CDYL2: variants seen among roughly 807,000 people sequenced by gnomAD.
The protein encoded by CDYL2 is chromodomain Y-like protein 2.
In CDYL2, 23 loss-of-function variants were observed where a neutral mutation model predicts 49.4. The observed-to-expected ratio is 0.47, with a 90% confidence interval of 0.34 to 0.66. The LOEUF (loss-of-function observed/expected upper bound fraction) is 0.66. Ranked by LOEUF, CDYL2 falls within the 30% of genes least tolerant of loss-of-function variation. The probability of loss-of-function intolerance (pLI) is 0.01; values close to 1 mark genes in which losing one functional copy is unlikely to be tolerated. For missense variants in CDYL2, 678 were observed against 656.4 expected, an observed-to-expected ratio of 1.03 and a Z score of -0.36; for synonymous variants, 360 against 268.8, an observed-to-expected ratio of 1.34 and a Z score of -3.32.
chr16:80,695,860 CAACA>C (rs1910596320), intron 1 of CDYL2, among the ~76,000 whole-genome samples: 1 of 152,124 alleles, frequency 6.6e-6, no homozygotes, highest in African/African-American at 2.4e-5. Context: ...GGCAGAAAAT[CAACA>C]AACATCAGCT....
chr16:80,726,897 G>C (rs1233330837), intron 1 of CDYL2, among the ~76,000 whole-genome samples: 3 of 152,058 alleles, frequency 2.0e-5, no homozygotes, highest in South Asian at 2.1e-4. Context: ...GACCAGCCTG[G>C]GCACATAATG....
At chr16:80,791,694 A>G (rs1472075049) in intron 1 of CDYL2, among the ~76,000 whole-genome samples, 2 of 152,324 alleles carry the variant, frequency 1.3e-5, no homozygotes, top group Admixed American at 6.5e-5. Flanking sequence ...GAGAGAGCAC[A>G]GAACATTCAA....
intron 1 of CDYL2, among the ~76,000 whole-genome samples, chr16:80,703,816 G>T (rs549085011): frequency 1.2e-4 from 19 of 152,212 alleles, no homozygotes; most frequent in South Asian, 1.2e-3. Context: ...GACCACACCT[G>T]GCCTTGCCTG....
chr16:80,718,899 T>A (rs1053272697), intron 1 of CDYL2, among the ~76,000 whole-genome samples: 8 of 152,098 alleles, frequency 5.3e-5, no homozygotes, highest in Admixed American at 3.3e-4. Flanking sequence ...AGGGAAGGAC[T>A]TAGAGCCAGG....
rs1906017538 is a variant in CDYL2 at position 80,600,157 on chromosome 16, C to G, written c.*4231G>C. On this transcript the variant is annotated 3_prime_UTR_variant, in exon 7 of 7. Transcript: ENST00000570137. ...TAATGGTAAGGCTTATTCACAAATT[C>G]AATACATTTTGAAATTATACTTCAA... 1 of 152,114 alleles carries G rather than the reference C, an allele frequency of 6.6e-6. No individual in the cohort carries two copies. Among genetic ancestry groups the G allele is most frequent in the African/African-American group, 2.4e-5 (1 of 41,426 alleles). 9.4% of individuals were successfully genotyped at this position (152,114 alleles called of 1,614,324 possible).
At position 80,684,710 on chromosome 16, in the gene CDYL2, G is replaced by A; in HGVS notation, c.444C>T (p.Pro148=). The A allele has an allele frequency of 6.2e-7, 1 of 1,614,048 alleles. No homozygotes were observed. Among genetic ancestry groups the A allele is most frequent in the Non-Finnish European group, 8.5e-7 (1 of 1,180,018 alleles). The change falls in exon 2 of 7, where the codon CCC becomes CCT. Residue 148 remains proline, a synonymous_variant. Transcript: ENST00000570137. The part of the protein sequence containing the change: ...RTTPSGLQIM[P]LKKSQNGMEN... ...CCATCCCGTTCTGAGACTTTTTCAGGGGCATTATTTGCAAACCACTGGGGG... is the reference window on the plus strand; with the variant it reads ...CCATCCCGTTCTGAGACTTTTTCAGAGGCATTATTTGCAAACCACTGGGGG...
chr16:80,804,153 G>C lies in CDYL2; in HGVS notation c.21C>G (p.Tyr7Ter). 7.9e-7 allele frequency: 1 copy of C among 1,268,758 alleles called. No individual in the cohort carries two copies. Among genetic ancestry groups the C allele is most frequent in the South Asian group, 1.5e-5 (1 of 67,728 alleles). The allele number at this position is 1,268,758 out of a possible 1,614,324, so 78.6% of individuals were successfully genotyped here. Reference protein sequence around the residue: MASGDLYEVERIVDKRK... With the variant: MASGDL Reference sequence around the variant, plus strand: ...CCGCGCCCCCGCGTCCCCGTACCTCGTAAAGGTCCCCAGAAGCCATGCCAG... The same window carrying C: ...CCGCGCCCCCGCGTCCCCGTACCTCCTAAAGGTCCCCAGAAGCCATGCCAG... Residue 7 changes from tyrosine (Y) to a stop codon, truncating the protein, a stop_gained, in exon 1 of 7, where the codon TAC (tyrosine) becomes TAG (stop). Transcript: ENST00000570137. LOFTEE classifies it high-confidence loss of function.
intron 1 of CDYL2, among the ~76,000 whole-genome samples, chr16:80,798,191 C>T (rs1484455975): frequency 6.6e-6 from 1 of 152,144 alleles, no homozygotes; most frequent in Non-Finnish European, 1.5e-5. Flanking sequence ...CAAACACATA[C>T]CATCATGCCC....
At chr16:80,719,364 C>A (rs1360671759) in intron 1 of CDYL2, among the ~76,000 whole-genome samples, 1 of 152,134 alleles carries the variant, frequency 6.6e-6, no homozygotes, top group African/African-American at 2.4e-5. Flanking sequence ...GGACTAGGAA[C>A]ACGAATGACC....
chr16:80,740,840 C>CTTA (rs1905707965), intron 1 of CDYL2, among the ~76,000 whole-genome samples: 1 of 146,310 alleles, frequency 6.8e-6, no homozygotes, highest in Non-Finnish European at 1.5e-5. Flanking sequence ...AACTGTGATA[C>CTTA]ACTAAAAAAA....
At chr16:80,795,345 G>A (rs151333540) in intron 1 of CDYL2, among the ~76,000 whole-genome samples, 2,061 of 152,300 alleles carry the variant, frequency 0.014, 20 homozygotes, top group Non-Finnish European at 0.021. Context: ...AATGACTGGA[G>A]TCAAGTGGGA....
At chr16:80,755,317 G>A (rs1173764171) in intron 1 of CDYL2, among the ~76,000 whole-genome samples, 1 of 152,158 alleles carries the variant, frequency 6.6e-6, no homozygotes, top group Non-Finnish European at 1.5e-5. Flanking sequence ...CATGTAAGGT[G>A]AATTGGAAGG....
chr16:80,680,943 G>C (rs1340567763), intron 2 of CDYL2, among the ~76,000 whole-genome samples: 1 of 152,028 alleles, frequency 6.6e-6, no homozygotes, highest in Non-Finnish European at 1.5e-5. Flanking sequence ...GGACCACAAA[G>C]CCAGTACTCA....
intron 1 of CDYL2, among the ~76,000 whole-genome samples, chr16:80,700,910 A>C (rs763459346): frequency 2.8e-4 from 43 of 152,376 alleles, no homozygotes; most frequent in Admixed American, 7.2e-4. Flanking sequence ...ACAGCAACAG[A>C]GCAGGCCATG....
chr16:80,613,995 G>C (rs1453061096), intron 4 of CDYL2, among the ~76,000 whole-genome samples: 4 of 152,066 alleles, frequency 2.6e-5, no homozygotes, highest in Non-Finnish European at 4.4e-5. Context: ...ACCATTATCA[G>C]AATTTGCAAT....
In CDYL2 at chr16:80,602,011, A is replaced by C. The variant is rs1567534423; in HGVS notation, c.*2377T>G. ...AACATCCCCTTCCATGTCCAAGGAG[A>C]ATCCTGACCCCACTTCAACCGATGC... On this transcript the variant is annotated 3_prime_UTR_variant, in exon 7 of 7. Transcript: ENST00000570137. 1 of 152,194 alleles carries C rather than the reference A, an allele frequency of 6.6e-6. No individual in the cohort carries two copies. The highest frequency in any genetic ancestry group is 1.5e-5 in the Non-Finnish European group (1 of 68,030). The allele number at this position is 152,194 out of a possible 1,614,324, so 9.4% of individuals were successfully genotyped here.
chr16:80,792,353 G>A (rs1475389531), intron 1 of CDYL2, among the ~76,000 whole-genome samples: 1 of 152,202 alleles, frequency 6.6e-6, no homozygotes, highest in African/African-American at 2.4e-5. Context: ...GCAACTGAGA[G>A]TGGAGGGCCA....
intron 3 of CDYL2, among the ~76,000 whole-genome samples, chr16:80,628,763 C>A (rs900491900): frequency 2.6e-5 from 4 of 152,228 alleles, no homozygotes; most frequent in African/African-American, 7.2e-5. Context: ...GACCCTTTCA[C>A]ATAAAAGAAT....
At chr16:80,760,432 G>A (rs1007185107) in intron 1 of CDYL2, among the ~76,000 whole-genome samples, 1 of 152,136 alleles carries the variant, frequency 6.6e-6, no homozygotes, top group Non-Finnish European at 1.5e-5. Context: ...GCACAACAGG[G>A]TGACTATAGT....
Sources: allele counts gnomAD v4.1 joint callset (sites outside exome capture counted in the v4.1 genomes callset), GRCh38; gene constraint gnomAD v4.1.1; transcripts MANE v1.5; gene names NCBI Gene and HGNC (gene_info 2026-07-23, HGNC 2026-07-21).